ATXN1: variants seen among roughly 807,000 people sequenced by gnomAD.
The protein encoded by ATXN1 is ataxin-1.
Under a neutral mutation model 56.4 loss-of-function variants are expected in ATXN1, and 8 were observed. The ratio of observed to expected loss-of-function variants is 0.14; its 90% CI spans 0.08 to 0.26. ATXN1 has a LOEUF of 0.26. ATXN1 is among the 10% of genes least tolerant of loss of function. ATXN1 has a pLI of 1.00. For synonymous variants in ATXN1, 514 were observed against 494.6 expected, an observed-to-expected ratio of 1.04 and a Z score of -0.52; for missense variants, 987 against 1,106.5, an observed-to-expected ratio of 0.89 and a Z score of 1.53.
chr6:16,401,707 A>G (rs1758574627), intron 6 of ATXN1, among the ~76,000 whole-genome samples: 1 of 152,220 alleles, frequency 6.6e-6, no homozygotes, highest in Non-Finnish European at 1.5e-5. Flanking sequence ...AGTTACAACA[A>G]AAGTACTATG....
chr6:16,470,915 T>C lies in ATXN1; in HGVS notation c.-161+15057A>G, dbSNP rs550892459. ...TATCCTAGCCAAGGTCTCTATCAGC[T>C]TAATGTGAGTGTCTCAACAAGACTG... On this transcript the variant is annotated intron_variant, in intron 6 of 7. Transcript: ENST00000436367. Among the ~76,000 whole-genome samples, 32 of 152,264 alleles carry C rather than the reference T, an allele frequency of 2.1e-4. 1 individual carries two copies. In the East Asian group the frequency reaches 5.8e-3, roughly 28 times the overall value.
chr6:16,468,951 C>T (rs1407009047), intron 6 of ATXN1, among the ~76,000 whole-genome samples: 1 of 151,876 alleles, frequency 6.6e-6, no homozygotes, highest in African/African-American at 2.4e-5. Context: ...GGTTGATCCA[C>T]TCATCTGGAC....
rs35749735 is a variant in ATXN1 at position 16,484,947 on chromosome 6, ATGTGTGTGTGTGTG to A, written c.-161+1011_-161+1024del. Among the ~76,000 whole-genome samples the A allele has an allele frequency of 5.9e-4, 75 of 126,052 alleles. 1 individual carries two copies. The highest frequency in any genetic ancestry group is 6.0e-4 in the Non-Finnish European group (35 of 58,420). The allele number at this position is 126,052 out of a possible 152,430, so 82.7% of individuals were successfully genotyped here. A position where few individuals can be genotyped will look rare whatever the true frequency, so the allele number is the denominator to read the frequency against. On this transcript the variant is annotated intron_variant, in intron 6 of 7. Coordinates refer to ENST00000436367, the MANE Select transcript of ATXN1 (RefSeq NM_001128164.2). ...TAAGAAGCTGGAAACCTAAATATATATGTGTGTGTGTGTGTGTGTGTGTGTGTGTGTGTGTGTGT... is the reference window on the plus strand; with the variant it reads ...TAAGAAGCTGGAAACCTAAATATATATGTGTGTGTGTGTGTGTGTGTGTGT...
chr6:16,631,858 C>G (rs1187143981), intron 3 of ATXN1, among the ~76,000 whole-genome samples: 1 of 152,154 alleles, frequency 6.6e-6, no homozygotes, highest in African/African-American at 2.4e-5. Flanking sequence ...CAAGCATCAA[C>G]AGGAAAGAGG....
intron 4 of ATXN1, among the ~76,000 whole-genome samples, chr6:16,565,881 C>G (rs1357494556): frequency 2.0e-5 from 3 of 152,122 alleles, no homozygotes; most frequent in Non-Finnish European, 4.4e-5. Context: ...ATATAAACTT[C>G]TACTGAGGAA....
intron 3 of ATXN1, among the ~76,000 whole-genome samples, chr6:16,647,151 C>T (rs769689311): frequency 6.6e-6 from 1 of 152,060 alleles, no homozygotes; most frequent in African/African-American, 2.4e-5. Flanking sequence ...ACTACAGGCA[C>T]CTGCCACCAC....
intron 2 of ATXN1, among the ~76,000 whole-genome samples, chr6:16,724,890 T>C (rs1257158905): frequency 6.6e-6 from 1 of 152,216 alleles, no homozygotes; most frequent in East Asian, 1.9e-4. Flanking sequence ...CACCTAGTCT[T>C]AGGGCTGTGA....
chr6:16,703,172 T>C (rs1425897915), intron 2 of ATXN1, among the ~76,000 whole-genome samples: 1 of 152,082 alleles, frequency 6.6e-6, no homozygotes, highest in Non-Finnish European at 1.5e-5. Flanking sequence ...TGAGTTCATG[T>C]CCTTTGTAGG....
At chr6:16,687,460 C>T (rs994519121) in intron 2 of ATXN1, among the ~76,000 whole-genome samples, 1 of 151,850 alleles carries the variant, frequency 6.6e-6, no homozygotes, top group African/African-American at 2.4e-5. Flanking sequence ...TTTTTGGGGG[C>T]TAGTCTGACA....
chr6:16,457,563 T>C (rs1759904092), intron 6 of ATXN1, among the ~76,000 whole-genome samples: 2 of 152,048 alleles, frequency 1.3e-5, no homozygotes, highest in South Asian at 4.2e-4. Context: ...ATCTCTCTAA[T>C]AGGGAAAAAT....
intron 6 of ATXN1, among the ~76,000 whole-genome samples, chr6:16,378,842 G>A (rs546125332): frequency 2.0e-5 from 3 of 152,276 alleles, no homozygotes; most frequent in African/African-American, 7.2e-5. Flanking sequence ...GTATAGGCAT[G>A]AGCACAGTGC....
chr6:16,555,544 C>G (rs1009580837), intron 4 of ATXN1, among the ~76,000 whole-genome samples: 2 of 152,154 alleles, frequency 1.3e-5, no homozygotes, highest in African/African-American at 4.8e-5. Context: ...CCAGTGGTTC[C>G]TACAATCGGA....
In ATXN1 at chr6:16,410,990, T is replaced by C. The variant is rs1758785622; in HGVS notation, c.-161+74982A>G. Among the ~76,000 whole-genome samples the C allele has an allele frequency of 6.6e-6, 1 of 151,974 alleles. No homozygotes were observed. The highest frequency in any genetic ancestry group is 2.4e-5 in the African/African-American group (1 of 41,400). On this transcript the variant is annotated intron_variant, in intron 6 of 7. Transcript: ENST00000436367. This position sits in a 1 kb window ranked among gnomAD's most constrained non-coding sequence, Gnocchi z 4.6. ...AAATACAAAAATTAGCCGTGTGTAG[T>C]AGCACATGCCTGTAGTTTCAGCTAC...
At chr6:16,715,404 G>T (rs756781) in intron 2 of ATXN1, among the ~76,000 whole-genome samples, 76,480 of 151,954 alleles carry the variant, frequency 0.5, 19,541 homozygotes, top group South Asian at 0.67. Context: ...CCTATAACAT[G>T]TGTTAATTCA....
intron 5 of ATXN1, among the ~76,000 whole-genome samples, chr6:16,496,456 A>G (rs1409240033): frequency 2.0e-5 from 3 of 152,198 alleles, no homozygotes; most frequent in African/African-American, 7.2e-5. Context: ...TTTGGAGCAC[A>G]GATCCATCGT....
At chr6:16,726,237 G>T (rs1759846442) in intron 2 of ATXN1, among the ~76,000 whole-genome samples, 1 of 151,964 alleles carries the variant, frequency 6.6e-6, no homozygotes, top group Non-Finnish European at 1.5e-5. Context: ...AAAATTAGCT[G>T]GGCGTGGTGG....
chr6:16,473,910 A>G (rs1301190011), intron 6 of ATXN1, among the ~76,000 whole-genome samples: 1 of 152,188 alleles, frequency 6.6e-6, no homozygotes, highest in Admixed American at 6.5e-5. Context: ...TGAATTGTCT[A>G]GGCTAACGAG....
intron 6 of ATXN1, among the ~76,000 whole-genome samples, chr6:16,380,441 T>C (rs1340951192): frequency 1.3e-5 from 2 of 152,174 alleles, no homozygotes; most frequent in African/African-American, 4.8e-5. Flanking sequence ...GTTTAGGCTC[T>C]TTTAGGGAGA....
chr6:16,722,837 T>C (rs1386000222), intron 2 of ATXN1, among the ~76,000 whole-genome samples: 4 of 152,230 alleles, frequency 2.6e-5, no homozygotes, highest in African/African-American at 4.8e-5. Flanking sequence ...GCTTTCCCCA[T>C]GGCTGAGAAT....
Sources: allele counts gnomAD v4.1 joint callset (sites outside exome capture counted in the v4.1 genomes callset), GRCh38; gene constraint gnomAD v4.1.1; non-coding constraint Gnocchi (gnomAD v3.1); transcripts MANE v1.5; gene names NCBI Gene and HGNC (gene_info 2026-07-23, HGNC 2026-07-21).